Variants in HIVEP3 observed in about 807,000 individuals in gnomAD.
HIVEP3 encodes transcription factor HIVEP3.
HIVEP3 carries 49 observed loss-of-function variants against 152.8 expected under a neutral mutation model. The ratio of observed to expected loss-of-function variants is 0.32; its 90% CI spans 0.26 to 0.41. The LOEUF (loss-of-function observed/expected upper bound fraction) is 0.41, where lower values mean the gene tolerates loss of function less well. Ranked by LOEUF, HIVEP3 falls within the 10% of genes least tolerant of loss-of-function variation. The pLI, the probability that HIVEP3 is intolerant of heterozygous loss-of-function variation, is 1.00. For synonymous variants in HIVEP3, 1,269 were observed against 1,289.0 expected, an observed-to-expected ratio of 0.98 and a Z score of 0.33; for missense variants, 2,790 against 3,103.3, an observed-to-expected ratio of 0.90 and a Z score of 2.40.
At position 41,883,213 on chromosome 1, in the gene HIVEP3, G is replaced by T. The variant is rs187417410; in HGVS notation, c.-801+35200C>A. Reference sequence around the variant, plus strand: ...AGGACTCACAGACACTGACTGGCTGGGGTGGGACTGGCAGGAGCTGCTGGG... The same window carrying T: ...AGGACTCACAGACACTGACTGGCTGTGGTGGGACTGGCAGGAGCTGCTGGG... On this transcript the variant is annotated intron_variant, in intron 1 of 8. Transcript: ENST00000372583. Among the ~76,000 whole-genome samples the T allele has an allele frequency of 7.0e-4, 106 of 152,228 alleles. 1 individual carries two copies. Among genetic ancestry groups the T allele is most frequent in the African/African-American group, 2.4e-3 (100 of 41,530 alleles).
intron 5 of HIVEP3, among the ~76,000 whole-genome samples, chr1:41,527,702 ACC>A (rs1176727522): frequency 9.6e-6 from 1 of 104,698 alleles, no homozygotes; most frequent in Admixed American, 9.8e-5. Flanking sequence ...ACCCTCACAC[ACC>A]CCCACCCTCA....
intron 1 of HIVEP3, among the ~76,000 whole-genome samples, chr1:41,703,841 C>G (rs1396635295): frequency 6.6e-6 from 1 of 152,232 alleles, no homozygotes; most frequent in Non-Finnish European, 1.5e-5. Context: ...CCCAAAGAAG[C>G]TGGAGTCCCC....
intron 4 of HIVEP3, among the ~76,000 whole-genome samples, chr1:41,576,456 C>T (rs956332474): frequency 6.6e-6 from 1 of 152,230 alleles, no homozygotes; most frequent in African/African-American, 2.4e-5. Flanking sequence ...AAGAACACGT[C>T]CTGTAAACAC....
chr1:41,689,883 T>C (rs1012246093), intron 2 of HIVEP3, among the ~76,000 whole-genome samples: 5 of 152,246 alleles, frequency 3.3e-5, no homozygotes, highest in Non-Finnish European at 7.3e-5. Flanking sequence ...AATGTTGGCC[T>C]TGCAGCCTGT....
rs538970307 is a variant in HIVEP3 at position 41,878,644 on chromosome 1, T to C, written c.-801+39769A>G. Among the ~76,000 whole-genome samples the C allele has an allele frequency of 1.9e-4, 29 of 152,084 alleles. 1 individual carries two copies. Among genetic ancestry groups the C allele is most frequent in the South Asian group, 2.1e-4 (1 of 4,810 alleles). ...GCTGAACTGGCCTAACCTGAATGTATGTACAAAAGAATTCCTTCCTTCCTC... is the reference window on the plus strand; with the variant it reads ...GCTGAACTGGCCTAACCTGAATGTACGTACAAAAGAATTCCTTCCTTCCTC... On this transcript the variant is annotated intron_variant, in intron 1 of 8. Transcript: ENST00000372583.
At chr1:41,643,789 T>C (rs1645414060) in intron 2 of HIVEP3, among the ~76,000 whole-genome samples, 1 of 152,012 alleles carries the variant, frequency 6.6e-6, no homozygotes, top group African/African-American at 2.4e-5. Flanking sequence ...TGAAGGGCGT[T>C]CCACCTCTGG....
chr1:41,772,064 C>T (rs755431506), intron 1 of HIVEP3, among the ~76,000 whole-genome samples: 8 of 152,128 alleles, frequency 5.3e-5, no homozygotes, highest in Non-Finnish European at 1.2e-4. Flanking sequence ...CAGCTGCTGC[C>T]GCGAGTGATG....
In HIVEP3 at chr1:42,010,218, G is replaced by A. The variant is rs566887373; in HGVS notation, n.119+25589C>T. Among the ~76,000 whole-genome samples the A allele has an allele frequency of 1.3e-3, 197 of 152,308 alleles. 2 individuals carry two copies. Among genetic ancestry groups the A allele is most frequent in the African/African-American group, 4.2e-3 (175 of 41,570 alleles). ...CCATAATAACATGTTTTTCATAGCAGTGAGTCATTGTTTTATTTATGTAAA... is the reference window on the plus strand; with the variant it reads ...CCATAATAACATGTTTTTCATAGCAATGAGTCATTGTTTTATTTATGTAAA... On this transcript the variant is annotated intron_variant and non_coding_transcript_variant, in intron 1 of 3. Coordinates refer to the HIVEP3 transcript ENST00000489103.
intron 3 of HIVEP3, among the ~76,000 whole-genome samples, chr1:41,618,583 G>A (rs988972746): frequency 4.6e-5 from 7 of 152,218 alleles, no homozygotes; most frequent in South Asian, 2.1e-4. Context: ...CCCCTGTCCC[G>A]TTCTTTCCCT....
At chr1:41,811,852 T>G (rs1404828210) in intron 1 of HIVEP3, among the ~76,000 whole-genome samples, 1 of 152,076 alleles carries the variant, frequency 6.6e-6, no homozygotes, top group Non-Finnish European at 1.5e-5. Flanking sequence ...CTTATCTAAC[T>G]CCATACAATT....
intron 2 of HIVEP3, among the ~76,000 whole-genome samples, chr1:41,699,253 GC>G (rs1160293620): frequency 6.6e-6 from 1 of 152,206 alleles, no homozygotes; most frequent in Non-Finnish European, 1.5e-5. Context: ...ATACAGAGAG[GC>G]CTTCCTGAGG....
chr1:41,855,957 C>T (rs769454442), intron 1 of HIVEP3, among the ~76,000 whole-genome samples: 2 of 152,204 alleles, frequency 1.3e-5, no homozygotes, highest in South Asian at 2.1e-4. Context: ...GCAATCTCAG[C>T]TCACTGCAAC....
intron 3 of HIVEP3, among the ~76,000 whole-genome samples, chr1:41,604,495 GA>G (rs1240174419): frequency 6.6e-6 from 1 of 152,184 alleles, no homozygotes; most frequent in Non-Finnish European, 1.5e-5. Context: ...ATAGTATTAA[GA>G]GGTGATTAGG....
chr1:41,783,917 G>A (rs754320260), intron 1 of HIVEP3, among the ~76,000 whole-genome samples: 16 of 152,166 alleles, frequency 1.1e-4, no homozygotes, highest in Middle Eastern at 3.2e-3. Context: ...GCAGGGTGGC[G>A]GTATTATCTA....
Position 41,680,931 on chromosome 1 carries a change from T to A in HIVEP3, c.-721+19985A>T, listed in dbSNP as rs564697126. 6.0e-4 allele frequency among the ~76,000 whole-genome samples: 91 copies of A among 152,358 alleles called. 4 individuals are homozygous for A. The South Asian group carries it at 7.9e-3, about 13-fold the overall frequency. ...TACCACTTACTGAGTACTTGCTATG[T>A]GCCATGATCTGGGCTGACCATTTCA... On this transcript the variant is annotated intron_variant, in intron 2 of 8. Coordinates refer to ENST00000372583, the MANE Select transcript of HIVEP3 (RefSeq NM_024503.5).
Position 41,768,591 on chromosome 1 carries a change from G to A in HIVEP3, c.-800-67596C>T, listed in dbSNP as rs371720671. On this transcript the variant is annotated intron_variant, in intron 1 of 8. Coordinates refer to ENST00000372583, the MANE Select transcript of HIVEP3 (RefSeq NM_024503.5). ...CAGTACAGCAGCTAGCTCCTTTGAC[G>A]TATATAGACCCTTGTTAACCAGCTT... is the stretch of plus-strand genomic sequence containing the variant. Among the ~76,000 whole-genome samples the A allele has an allele frequency of 2.0e-5, 3 of 152,332 alleles. No individual in the cohort carries two copies. The East Asian group carries it at 5.8e-4, about 29-fold the overall frequency.
At chr1:41,633,333 A>G (rs571746712) in intron 2 of HIVEP3, among the ~76,000 whole-genome samples, 2 of 152,320 alleles carry the variant, frequency 1.3e-5, no homozygotes, top group South Asian at 4.2e-4. Context: ...GAGCGAAGCT[A>G]GCCTCACCCA....
chr1:41,635,463 A>G (rs11210503), intron 2 of HIVEP3, among the ~76,000 whole-genome samples: 78,057 of 137,016 alleles, frequency 0.57, 24,158 homozygotes, highest in African/African-American at 0.73. Flanking sequence ...TGAGAAAATG[A>G]CAGCAACCAC....
intron 1 of HIVEP3, among the ~76,000 whole-genome samples, chr1:41,979,795 T>C (rs1389045912): frequency 6.6e-6 from 1 of 152,222 alleles, no homozygotes; most frequent in African/African-American, 2.4e-5. Context: ...CCTATAGATA[T>C]TTGGGAAAAT....
Sources: gnomAD v4.1 joint callset for allele counts (sites outside exome capture counted in the v4.1 genomes callset) on GRCh38, gnomAD v4.1.1 for gene constraint, MANE v1.5 for transcripts, NCBI Gene and HGNC (gene_info 2026-07-23, HGNC 2026-07-21) for gene names.